BAG6: variants seen among roughly 807,000 people sequenced by gnomAD.
The protein encoded by BAG6 is BAG cochaperone 6.
Under a neutral mutation model 121.0 loss-of-function variants are expected in BAG6, and 22 were observed. That is an observed-to-expected ratio of 0.18 (90% CI 0.13 to 0.26). BAG6 has a LOEUF of 0.26. Ranked by LOEUF, BAG6 falls within the 10% of genes least tolerant of loss-of-function variation. The pLI is 1.00. For synonymous variants in BAG6, 583 were observed against 584.6 expected, an observed-to-expected ratio of 1.00 and a Z score of 0.04; for missense variants, 1,233 against 1,537.7, an observed-to-expected ratio of 0.80 and a Z score of 3.31.
chr6:31,643,864 C>CT, intron 14 of BAG6, 26 bp downstream of exon 14: 5 of 1,609,828 alleles, frequency 3.1e-6, no homozygotes, highest in Middle Eastern at 1.7e-4. Flanking sequence ...AGTTTAAACT[C>CT]TGAGTGGGGA....
At chr6:31,647,320 G>A (rs1387191524) in intron 7 of BAG6, among the ~76,000 whole-genome samples, 1 of 152,186 alleles carries the variant, frequency 6.6e-6, no homozygotes, top group Non-Finnish European at 1.5e-5. Context: ...CTAAGAAAGA[G>A]AGCAGGCCTT....
chr6:31,641,323 T>C lies in BAG6; in HGVS notation c.2659A>G (p.Thr887Ala). The C allele has an allele frequency of 6.2e-7, 1 of 1,614,220 alleles. No individual in the cohort carries two copies. Among genetic ancestry groups the C allele is most frequent in the East Asian group, 2.2e-5 (1 of 44,890 alleles). Residue 887 changes from threonine (T) to alanine (A), a missense_variant, in exon 19 of 26, where the codon ACA (threonine) becomes GCA (alanine). Thr to Ala is a moderately conservative substitution (Grantham distance 58, BLOSUM62 0). Transcript: ENST00000676615. This position sits in a 1 kb window ranked among gnomAD's most constrained non-coding sequence, Gnocchi z 5.7. ...CCCCGCCTGGCCAGCCCCTGACCTGTGCAATGCAGCACATGCGCAGCAATG... is the reference window on the plus strand; with the variant it reads ...CCCCGCCTGGCCAGCCCCTGACCTGCGCAATGCAGCACATGCGCAGCAATG... Reference protein sequence around the residue: ...NSIAAHVLHCTDSGFGARLLE... With the variant: ...NSIAAHVLHCADSGFGARLLE...
At position 31,648,751 on chromosome 6, in the gene BAG6, T is replaced by G. The variant is rs1213331411; in HGVS notation, c.478A>C (p.Ser160Arg). The change falls in exon 6 of 26, where the codon AGT (serine) becomes CGT (arginine). Residue 160 changes from serine to arginine, a missense_variant and splice_region_variant. Transcript: ENST00000676615. The stretch of plus-strand genomic sequence containing the variant: ...ATCACCAGCCGTACCCGGGGCTCAC[T>G]CTACAATGAGAGAAGGTTTATCAGG... ...HINMEQAPIQ[S>R]EPRVRLVMAQ... 1 of 1,613,908 alleles carries G rather than the reference T, an allele frequency of 6.2e-7. No individual in the cohort carries two copies. The highest frequency in any genetic ancestry group is 1.3e-5 in the African/African-American group (1 of 74,844).
At chr6:31,649,483 T>A (rs780782712) in intron 3 of BAG6, 27 bp downstream of exon 3, 23 of 1,613,202 alleles carry the variant, frequency 1.4e-5, no homozygotes, top group Non-Finnish European at 2.0e-5. Context: ...AGCCCCAACC[T>A]CTGAACTGCC....
chr6:31,651,195 C>G (rs1245345420), intron 2 of BAG6, among the ~76,000 whole-genome samples: 1 of 152,190 alleles, frequency 6.6e-6, no homozygotes, highest in African/African-American at 2.4e-5. Context: ...GCCTCACTCA[C>G]AAAACATCAG....
rs368745016 is a variant in BAG6 at position 31,640,773 on chromosome 6, C to T, written c.2934+19G>A. The T allele has an allele frequency of 3.8e-5, 61 of 1,612,856 alleles. No homozygotes were observed. In the East Asian group the frequency reaches 9.1e-4, roughly 24 times the overall value. Reference sequence around the variant, plus strand: ...GTTCTCTCAAGTACCCTGACCCCATCGCCCAACAGGTCCCTTACCTGGGGG... The same window carrying T: ...GTTCTCTCAAGTACCCTGACCCCATTGCCCAACAGGTCCCTTACCTGGGGG... On this transcript the variant is annotated intron_variant, in intron 21 of 25. Coordinates refer to ENST00000676615, the MANE Select transcript of BAG6 (RefSeq NM_001387994.1). The surrounding 1 kb of genome is among the most constrained non-coding windows in gnomAD (Gnocchi z 4.2).
At position 31,640,102 on chromosome 6, in the gene BAG6, G is replaced by A; in HGVS notation, c.3246+97C>T. ...TCATTAAACGAGGGGAGGGGAGACT[G>A]AATAACAAGAGCTCCCACCATCTCT... On this transcript the variant is annotated intron_variant, in intron 24 of 25. Coordinates refer to ENST00000676615, the MANE Select transcript of BAG6 (RefSeq NM_001387994.1). This position sits in a 1 kb window ranked among gnomAD's most constrained non-coding sequence, Gnocchi z 4.2. The A allele has an allele frequency of 1.2e-5, 15 of 1,253,874 alleles. No individual in the cohort carries two copies. Among genetic ancestry groups the A allele is most frequent in the Non-Finnish European group, 1.5e-5 (13 of 876,022 alleles). 77.7% of individuals were successfully genotyped at this position (1,253,874 alleles called of 1,614,324 possible).
intron 5 of BAG6, 59 bp downstream of exon 5, chr6:31,648,852 C>T: frequency 1.3e-6 from 2 of 1,577,000 alleles, no homozygotes; most frequent in East Asian, 4.5e-5. Context: ...AGGTCCACCC[C>T]ACCTCCCAGC....
intron 8 of BAG6, 128 bp downstream of exon 8, chr6:31,646,266 G>A (rs1789055263): frequency 1.4e-5 from 20 of 1,388,622 alleles, no homozygotes; most frequent in East Asian, 1.2e-4. Flanking sequence ...GATTACAGGC[G>A]TGAGCCACTG....
chr6:31,639,447 C>T, intron 25 of BAG6, 53 bp downstream of exon 25: 1 of 1,578,250 alleles, frequency 6.3e-7, no homozygotes, highest in Non-Finnish European at 8.6e-7. Context: ...GGAAGAGGGA[C>T]CCTAGCCCAA....
intron 3 of BAG6, 40 bp downstream of exon 3, chr6:31,649,470 A>G (rs1454859151): frequency 6.2e-7 from 1 of 1,613,120 alleles, no homozygotes; most frequent in South Asian, 1.1e-5. Flanking sequence ...CCCTCCAGAC[A>G]GTAGCCCCAA....
chr6:31,645,061 A>G lies in BAG6; in HGVS notation c.1254T>C (p.Ala418=), dbSNP rs1452303984. 6.2e-7 allele frequency: 1 copy of G among 1,612,788 alleles called. No individual in the cohort carries two copies. The highest frequency in any genetic ancestry group is 8.5e-7 in the Non-Finnish European group (1 of 1,179,954). Residue 418 remains alanine (A), a synonymous_variant, in exon 10 of 26, where the codon GCT becomes GCC. Transcript: ENST00000676615. ...APSSTNVESS[A]EGAPPPGPAP... is the part of the protein sequence containing the mutation. ...CTGGACCTGGCGGGGGAGCCCCCTCAGCTGAGGACTCGACATTGGTAGAAG... is the reference window on the plus strand; with the variant it reads ...CTGGACCTGGCGGGGGAGCCCCCTCGGCTGAGGACTCGACATTGGTAGAAG...
At chr6:31,643,734 A>AAAC (rs1323533592) in intron 14 of BAG6, among the ~76,000 whole-genome samples, 156 bp downstream of exon 14, 3 of 150,130 alleles carry the variant, frequency 2.0e-5, no homozygotes, top group Non-Finnish European at 4.4e-5. Context: ...AAAAAAAAAA[A>AAAC]AAAAAAAAAA....
In BAG6 at chr6:31,644,101, G is replaced by C. The variant is rs1786036560; in HGVS notation, c.1649C>G (p.Pro550Arg). Residue 550 changes from proline to arginine, a missense_variant, in exon 13 of 26, where the codon CCC (proline) becomes CGC (arginine). Around this residue, in one of 7 missense-constraint regions of BAG6, gnomAD observed 777 missense variants for 861.4 expected, o/e 0.90. Transcript: ENST00000676615. This position sits in a 1 kb window ranked among gnomAD's most constrained non-coding sequence, Gnocchi z 4.9. ...PQARPSHPGG[P>R]PVSGTLQGAG... ...GCTCACCAGTGTCCCAGAGACTGGG[G>C]GCCCTCCAGGATGGGAAGGCCGAGC... 1.2e-6 allele frequency: 2 copies of C among 1,613,900 alleles called. No individual in the cohort carries two copies. Among genetic ancestry groups the C allele is most frequent in the African/African-American group, 2.7e-5 (2 of 75,054 alleles).
intron 14 of BAG6, 66 bp downstream of exon 14, chr6:31,643,824 G>A (rs1785664989): frequency 6.6e-7 from 1 of 1,515,312 alleles, no homozygotes; most frequent in African/African-American, 1.4e-5. Flanking sequence ...GGAAAGAACT[G>A]GAAAGTGCCA....
rs746547137 is a variant in BAG6, at chr6:31,641,279, T to C, written c.2662+41A>G. On this transcript the variant is annotated intron_variant, in intron 19 of 25. Transcript: ENST00000676615. The surrounding 1 kb of genome is among the most constrained non-coding windows in gnomAD (Gnocchi z 5.7). ...TGCTGGCACGTGGCAGCCCTGCACA[T>C]GCAACAGGCCCCACTTGCCCCCGCC... 4 of 1,613,878 alleles carry C rather than the reference T, an allele frequency of 2.5e-6. No homozygotes were observed. The South Asian group carries it at 3.3e-5, about 13-fold the overall frequency.
In BAG6 at chr6:31,652,552, G is replaced by A. The variant is rs1798630766; in HGVS notation, c.-142C>T. On this transcript the variant is annotated 5_prime_UTR_variant, in exon 1 of 26. Transcript: ENST00000676615. ...ACGAGAAAGTCCGCAGCCCCAAACAGTGAGTTTCTGAGGGCGAGTCGGGCC... is the reference window on the plus strand; with the variant it reads ...ACGAGAAAGTCCGCAGCCCCAAACAATGAGTTTCTGAGGGCGAGTCGGGCC... 1 of 152,336 alleles carries A rather than the reference G, an allele frequency of 6.6e-6. No individual in the cohort carries two copies. Among genetic ancestry groups the A allele is most frequent in the Non-Finnish European group, 1.5e-5 (1 of 68,080 alleles). The allele number at this position is 152,336 out of a possible 1,614,324, so 9.4% of individuals were successfully genotyped here. A position where few individuals can be genotyped will look rare whatever the true frequency, so the allele number is the denominator to read the frequency against.
chr6:31,651,165 T>C (rs1043369012), intron 2 of BAG6, among the ~76,000 whole-genome samples: 5 of 152,252 alleles, frequency 3.3e-5, no homozygotes, highest in African/African-American at 1.2e-4. Context: ...TCTATCCATG[T>C]GGAGGACAGA....
Position 31,648,898 on chromosome 6 carries a change from G to A in BAG6, c.477+13C>T, listed in dbSNP as rs781267972. On this transcript the variant is annotated intron_variant, in intron 5 of 25. Coordinates refer to ENST00000676615, the MANE Select transcript of BAG6 (RefSeq NM_001387994.1). ...CAGATCCCCTTCCCTGACCCTCGGA[G>A]GCCCCTCAATACCTGAATCGGGGCC... 2.4e-5 allele frequency: 37 copies of A among 1,544,636 alleles called. No homozygotes were observed. The highest frequency in any genetic ancestry group is 5.5e-5 in the African/African-American group (4 of 72,692).
Sources: gnomAD v4.1 joint callset for allele counts (sites outside exome capture counted in the v4.1 genomes callset) on GRCh38, gnomAD v4.1.1 for gene constraint, gnomAD v4.1.1 regional missense constraint, Gnocchi (gnomAD v3.1) non-coding constraint, MANE v1.5 for transcripts, NCBI Gene and HGNC (gene_info 2026-07-23, HGNC 2026-07-21) for gene names.